The following MYH9 variants were observed in gnomAD, a reference collection of about 807,000 sequenced individuals.
MYH9 encodes myosin heavy chain 9, also known as myosin-9.
Under a neutral mutation model 241.9 loss-of-function variants are expected in MYH9, and 29 were observed. The observed-to-expected ratio is 0.12, with a 90% CI of 0.09 to 0.16. The LOEUF is 0.16. Among genes scored for constraint, MYH9 ranks in the 10% least tolerant of loss-of-function variants. The pLI, the probability that MYH9 is intolerant of heterozygous loss-of-function variation, is 1.00. For synonymous variants in MYH9, 1,047 were observed against 1,062.6 expected, an observed-to-expected ratio of 0.99 and a Z score of 0.29; for missense variants, 1,803 against 2,595.5, an observed-to-expected ratio of 0.69 and a Z score of 6.63.
intron 1 of MYH9, among the ~76,000 whole-genome samples, chr22:36,352,401 C>T (rs2017779944): frequency 6.6e-6 from 1 of 152,206 alleles, no homozygotes; most frequent in Non-Finnish European, 1.5e-5. Flanking sequence ...GCAGAATGAG[C>T]TCTGACCGTC....
intron 23 of MYH9, 30 bp from the exon 24 acceptor site, chr22:36,299,072 G>C: frequency 6.2e-7 from 1 of 1,613,584 alleles, no homozygotes; most frequent in Non-Finnish European, 8.5e-7. Flanking sequence ...CTGGCATTTA[G>C]TGTTGGTTGA....
At position 36,282,498 on chromosome 22, in the gene MYH9, T is replaced by C. The variant is rs1242627559; in HGVS notation, c.*170A>G. 3 of 758,004 alleles carry C rather than the reference T, an allele frequency of 4.0e-6. No individual in the cohort carries two copies. The highest frequency in any genetic ancestry group is 2.4e-5 in the East Asian group (1 of 40,966). 47.0% of individuals were successfully genotyped at this position (758,004 alleles called of 1,614,324 possible). ...AGGGGATGCAGCAGAGGAAGCCAAA[T>C]GCCCTCAACAACACCTGGAGGGAAA... On this transcript the variant is annotated 3_prime_UTR_variant, in exon 41 of 41. Transcript: ENST00000216181.
rs117155525 is a variant in MYH9, at chr22:36,320,513, T to C, written c.869-150A>G. On this transcript the variant is annotated intron_variant, in intron 8 of 40. Transcript: ENST00000216181. This position sits in a 1 kb window ranked among gnomAD's most constrained non-coding sequence, Gnocchi z 4.8. ...GCAGAGTAGCCAGTGACGTTCAGCTTTCCTCAGTGTCTGAGACTCTGACAC... is the reference window on the plus strand; with the variant it reads ...GCAGAGTAGCCAGTGACGTTCAGCTCTCCTCAGTGTCTGAGACTCTGACAC... The C allele has an allele frequency of 0.016, 17,303 of 1,052,276 alleles. 195 individuals carry two copies. Among genetic ancestry groups the C allele is most frequent in the Non-Finnish European group, 0.021 (14,450 of 700,114 alleles). The allele number at this position is 1,052,276 out of a possible 1,614,324, so 65.2% of individuals were successfully genotyped here.
At chr22:36,339,990 A>T (rs1345534527) in intron 3 of MYH9, among the ~76,000 whole-genome samples, 1 of 152,074 alleles carries the variant, frequency 6.6e-6, no homozygotes. Context: ...TCATGTTTTT[A>T]AAAAAAGAAT....
intron 3 of MYH9, among the ~76,000 whole-genome samples, chr22:36,339,972 T>C (rs1297821914): frequency 1.3e-5 from 2 of 152,158 alleles, no homozygotes; most frequent in African/African-American, 2.4e-5. Context: ...GAGGCCCTAA[T>C]GCTTCAGTCA....
Position 36,387,831 on chromosome 22 carries a change from C to T in MYH9, c.-44G>A, listed in dbSNP as rs977382848. ...CCTGAACCTGGATCTGCCCCGGGAA[C>T]AGGCGCTGCTTCTCCCGAGAGGACT... On this transcript the variant is annotated 5_prime_UTR_variant, in exon 1 of 41. Coordinates refer to ENST00000216181, the MANE Select transcript of MYH9 (RefSeq NM_002473.6). 1.3e-5 allele frequency: 2 copies of T among 152,262 alleles called. No individual in the cohort carries two copies. Among genetic ancestry groups the T allele is most frequent in the Non-Finnish European group, 2.9e-5 (2 of 68,010 alleles). 9.4% of individuals were successfully genotyped at this position (152,262 alleles called of 1,614,324 possible).
chr22:36,286,328 G>C (rs1002491993), intron 35 of MYH9, among the ~76,000 whole-genome samples: 1 of 152,038 alleles, frequency 6.6e-6, no homozygotes, highest in African/African-American at 2.4e-5. Context: ...CTACACCCTG[G>C]ACGCACTCGC....
intron 1 of MYH9, among the ~76,000 whole-genome samples, chr22:36,354,937 AC>A (rs1484142763): frequency 6.8e-6 from 1 of 146,752 alleles, no homozygotes; most frequent in African/African-American, 2.5e-5. Context: ...ACTTAAAAAA[AC>A]AAAAAAACAA....
In MYH9 at chr22:36,330,634, C is replaced by T. The variant is rs1307979500; in HGVS notation, c.491-3146G>A. 6.6e-6 allele frequency among the ~76,000 whole-genome samples: 1 copy of T among 152,114 alleles called. No individual in the cohort carries two copies. Among genetic ancestry groups the T allele is most frequent in the Non-Finnish European group, 1.5e-5 (1 of 68,032 alleles). On this transcript the variant is annotated intron_variant, in intron 3 of 40. Transcript: ENST00000216181. This position sits in a 1 kb window ranked among gnomAD's most constrained non-coding sequence, Gnocchi z 4.5. The stretch of plus-strand genomic sequence containing the variant: ...GTTTACTCTGCAGCCCACCTCCCCA[C>T]CCTATGCATTCTAGTGGAGACTGCC...
intron 40 of MYH9, 140 bp downstream of exon 40, chr22:36,283,953 G>A (rs1230598550): frequency 9.9e-7 from 1 of 1,008,370 alleles, no homozygotes; most frequent in Non-Finnish European, 1.6e-6. Context: ...TCAAAGGCAA[G>A]GAGCCAGAAG....
rs1304469257 is a variant in MYH9 at position 36,312,117 on chromosome 22, G to A, written c.1660C>T (p.Pro554Ser). The A allele has an allele frequency of 1.2e-6, 2 of 1,614,146 alleles. No individual in the cohort carries two copies. Among genetic ancestry groups the A allele is most frequent in the Non-Finnish European group, 1.7e-6 (2 of 1,180,030 alleles). ...EKVMQEQGTH[P>S]KFQKPKQLKD... ...AGCTGCTTGGGCTTCTGGAACTTGG[G>A]GTGGGTGCCCTGCTCCTGCATCACC... The change falls in exon 14 of 41, where the codon CCC becomes TCC. Residue 554 changes from proline (P) to serine (S), a missense_variant. Pro to Ser is a moderately conservative substitution (Grantham distance 74). Around this residue, in one of 11 missense-constraint regions of MYH9, gnomAD observed 163 missense variants for 349.7 expected, o/e 0.47. Coordinates refer to ENST00000216181, the MANE Select transcript of MYH9 (RefSeq NM_002473.6).
At chr22:36,380,370 G>A (rs762380367) in intron 1 of MYH9, among the ~76,000 whole-genome samples, 19 of 152,222 alleles carry the variant, frequency 1.2e-4, no homozygotes, top group Non-Finnish European at 1.3e-4. Context: ...AAAAACCACA[G>A]GCCAGATGTC....
In MYH9 at chr22:36,286,010, C is replaced by T. The variant is rs1006765929; in HGVS notation, c.5062-57G>A. The stretch of plus-strand genomic sequence containing the variant: ...GCAGCCACAGCCCCACAAGACCATC[C>T]TTCCCAGCCCCAGGCACCCTCCCCT... On this transcript the variant is annotated intron_variant, in intron 35 of 40. Coordinates refer to ENST00000216181, the MANE Select transcript of MYH9 (RefSeq NM_002473.6). 172 of 1,590,872 alleles carry T rather than the reference C, an allele frequency of 1.1e-4. No homozygotes were observed. The East Asian group carries it at 3.8e-3, about 35-fold the overall frequency.
At chr22:36,321,104 C>G (rs1461734600) in intron 7 of MYH9, among the ~76,000 whole-genome samples, 4 of 152,124 alleles carry the variant, frequency 2.6e-5, no homozygotes, top group Non-Finnish European at 5.9e-5. Context: ...AGGCGCCCAC[C>G]ACCACACCCA....
intron 1 of MYH9, among the ~76,000 whole-genome samples, chr22:36,381,591 C>G (rs979974494): frequency 2.6e-5 from 4 of 151,930 alleles, no homozygotes; most frequent in African/African-American, 9.7e-5. Flanking sequence ...TAGGCAACCA[C>G]CATTACCAGG....
chr22:36,301,161 T>G, intron 21 of MYH9, 104 bp from the exon 22 acceptor site: 1 of 1,146,634 alleles, frequency 8.7e-7, no homozygotes, highest in South Asian at 1.3e-5. Context: ...GAAAGGAACA[T>G]GCAGACAAAA....
At chr22:36,356,262 G>A (rs1025258528) in intron 1 of MYH9, among the ~76,000 whole-genome samples, 1 of 151,964 alleles carries the variant, frequency 6.6e-6, no homozygotes, top group African/African-American at 2.4e-5. Flanking sequence ...TAAAACTATC[G>A]AAGTAGCTGG....
chr22:36,366,290 T>C (rs539211273), intron 1 of MYH9, among the ~76,000 whole-genome samples: 1 of 152,112 alleles, frequency 6.6e-6, no homozygotes, highest in Non-Finnish European at 1.5e-5. Context: ...CCGTGACTTA[T>C]CTACGCTAGG....
In MYH9 at chr22:36,317,686, G is replaced by A. The variant is rs368314367; in HGVS notation, c.1227+521C>T. Among the ~76,000 whole-genome samples, 17 of 152,368 alleles carry A rather than the reference G, an allele frequency of 1.1e-4. No individual in the cohort carries two copies. In the East Asian group the frequency reaches 2.1e-3, roughly 19 times the overall value. On this transcript the variant is annotated intron_variant, in intron 11 of 40. Transcript: ENST00000216181. ...CCCGGAGAGAGGCAGAAAGCGGTCCGCACTGGGCGGGACCTCCACTCCAGG... is the reference window on the plus strand; with the variant it reads ...CCCGGAGAGAGGCAGAAAGCGGTCCACACTGGGCGGGACCTCCACTCCAGG...
Sources: allele counts gnomAD v4.1 joint callset (sites outside exome capture counted in the v4.1 genomes callset), GRCh38; gene constraint gnomAD v4.1.1; regional missense constraint gnomAD v4.1.1; non-coding constraint Gnocchi (gnomAD v3.1); transcripts MANE v1.5; gene names NCBI Gene and HGNC (gene_info 2026-07-23, HGNC 2026-07-21).